EFR3A: variants seen among roughly 807,000 people sequenced by gnomAD.
EFR3A encodes the protein protein EFR3 homolog A.
EFR3A carries 76 observed loss-of-function variants against 104.4 expected under a neutral mutation model. The ratio of observed to expected loss-of-function variants is 0.73; its 90% CI spans 0.60 to 0.88. The LOEUF is 0.88. EFR3A is among the 40% of genes least tolerant of loss of function. The pLI is 0.00. For missense variants in EFR3A, 985 were observed against 1,012.5 expected (o/e 0.97, Z 0.37); for synonymous variants, 330 against 330.0 (o/e 1.00, Z 0.00).
At position 132,011,346 on chromosome 8, in the gene EFR3A, G is replaced by A. The variant is rs1822335782; in HGVS notation, c.*451G>A. 1.9e-5 allele frequency: 19 copies of A among 986,814 alleles called. No homozygotes were observed. Among genetic ancestry groups the A allele is most frequent in the Non-Finnish European group, 2.3e-5 (19 of 830,838 alleles). 61.1% of individuals were successfully genotyped at this position (986,814 alleles called of 1,614,324 possible). A position where few individuals can be genotyped will look rare whatever the true frequency, so the allele number is the denominator to read the frequency against. Reference sequence around the variant, plus strand: ...ACATTTAAATATATTCCTAGTCCTGGGACTGCAAAACTGTTCGGTGGCTTT... The same window carrying A: ...ACATTTAAATATATTCCTAGTCCTGAGACTGCAAAACTGTTCGGTGGCTTT... On this transcript the variant is annotated 3_prime_UTR_variant, in exon 23 of 23. Transcript: ENST00000254624.
At chr8:131,940,636 C>A in intron 2 of EFR3A, 61 bp downstream of exon 2, 1 of 1,543,898 alleles carries the variant, frequency 6.5e-7, no homozygotes, top group Non-Finnish European at 8.7e-7. Context: ...CCCCGCTGAC[C>A]TCCTTAAGGT....
intron 22 of EFR3A, among the ~76,000 whole-genome samples, chr8:132,007,343 A>G (rs1322102975): frequency 6.6e-6 from 1 of 151,920 alleles, no homozygotes; most frequent in Admixed American, 6.6e-5. Flanking sequence ...ATTCAGTTGT[A>G]TATCTATATA....
chr8:131,928,859 A>G (rs1259656308), intron 1 of EFR3A, among the ~76,000 whole-genome samples: 4 of 152,080 alleles, frequency 2.6e-5, no homozygotes, highest in Non-Finnish European at 5.9e-5. Context: ...TGTAAAAAGT[A>G]CAGTATTTGA....
At chr8:131,984,488 GT>G (rs1820776192) in intron 15 of EFR3A, among the ~76,000 whole-genome samples, 188 bp downstream of exon 15, 1 of 152,114 alleles carries the variant, frequency 6.6e-6, no homozygotes, top group African/African-American at 2.4e-5. Flanking sequence ...GCATCAACTG[GT>G]GTGCTAAATA....
chr8:131,940,687 T>C, intron 2 of EFR3A, 112 bp downstream of exon 2: 1 of 1,421,598 alleles, frequency 7.0e-7, no homozygotes, highest in Non-Finnish European at 9.2e-7. Context: ...TTACATCTCA[T>C]CATTTATACT....
intron 2 of EFR3A, among the ~76,000 whole-genome samples, chr8:131,941,238 G>T (rs1389542975): frequency 6.6e-6 from 1 of 151,884 alleles, no homozygotes; most frequent in African/African-American, 2.4e-5. Flanking sequence ...TATTTTATTT[G>T]TGAAGATTAC....
At chr8:131,970,272 AG>A (rs1002677241) in intron 9 of EFR3A, among the ~76,000 whole-genome samples, 10 of 152,198 alleles carry the variant, frequency 6.6e-5, no homozygotes, top group African/African-American at 2.4e-4. Context: ...ATAAATGCCC[AG>A]TAAATGTTTG....
At chr8:131,990,447 A>G (rs1256111536) in intron 18 of EFR3A, among the ~76,000 whole-genome samples, 6 of 152,188 alleles carry the variant, frequency 3.9e-5, no homozygotes, top group East Asian at 1.9e-4. Flanking sequence ...TTCATATGGT[A>G]GTAACACATG....
chr8:131,915,504 A>G (rs1816704084), intron 1 of EFR3A, among the ~76,000 whole-genome samples: 1 of 152,226 alleles, frequency 6.6e-6, no homozygotes. Context: ...AGGTGAATAA[A>G]GCAGTCCCTA....
intron 6 of EFR3A, 57 bp from the exon 7 acceptor site, chr8:131,955,711 T>G: frequency 6.5e-7 from 1 of 1,549,798 alleles, no homozygotes; most frequent in South Asian, 1.2e-5. Context: ...TATATTTTGT[T>G]TATTAGAACT....
At position 131,915,958 on chromosome 8, in the gene EFR3A, C is replaced by T. The variant is rs1056249160; in HGVS notation, c.10+11636C>T. 9.9e-5 allele frequency among the ~76,000 whole-genome samples: 15 copies of T among 152,182 alleles called. 1 individual carries two copies. Among genetic ancestry groups the T allele is most frequent in the African/African-American group, 2.4e-5 (1 of 41,432 alleles). On this transcript the variant is annotated intron_variant, in intron 1 of 22. Transcript: ENST00000254624. ...CTCATACAGGACATATGGACACCAA[C>T]AGGGGTGTCGTCCCTGCCCTCATGG...
chr8:132,001,794 G>A lies in EFR3A; in HGVS notation c.2193G>A (p.Leu731=), dbSNP rs1251728395. Residue 731 remains leucine (L), a synonymous_variant, in exon 20 of 23, where the codon TTG becomes TTA. Coordinates refer to ENST00000254624, the MANE Select transcript of EFR3A (RefSeq NM_015137.6). The part of the protein sequence containing the change: ...SNTEEITFEA[L]KKAIDTSGME... ...CTGAAGAAATCACTTTTGAAGCATTGAAGAAAGCAATTGGTGAGATATTTT... is the reference window on the plus strand; with the variant it reads ...CTGAAGAAATCACTTTTGAAGCATTAAAGAAAGCAATTGGTGAGATATTTT... 1.2e-6 allele frequency: 2 copies of A among 1,613,160 alleles called. No individual in the cohort carries two copies. The highest frequency in any genetic ancestry group is 1.7e-6 in the Non-Finnish European group (2 of 1,179,456).
chr8:132,002,853 A>G, intron 21 of EFR3A, 147 bp downstream of exon 21: 3 of 633,854 alleles, frequency 4.7e-6, no homozygotes, highest in East Asian at 2.8e-5. Context: ...CTCTGAAGGC[A>G]TATCTATGAG....
At position 131,955,886 on chromosome 8, in the gene EFR3A, G is replaced by A; in HGVS notation, c.757G>A (p.Ala253Thr). The A allele has an allele frequency of 2.5e-6, 4 of 1,613,224 alleles. No individual in the cohort carries two copies. The highest frequency in any genetic ancestry group is 3.4e-6 in the Non-Finnish European group (4 of 1,179,414). ...GRATFGNMNNAVRPVFAHLDH... is the reference protein window; with the variant it reads ...GRATFGNMNNTVRPVFAHLDH... ...AGCAACTTTTGGGAATATGAATAAT[G>A]CTGTTAGACCAGTTTTTGCGTAAGT... Residue 253 changes from alanine (A) to threonine (T), a missense_variant, in exon 7 of 23, where the codon GCT becomes ACT. Coordinates refer to ENST00000254624, the MANE Select transcript of EFR3A (RefSeq NM_015137.6).
intron 9 of EFR3A, 83 bp downstream of exon 9, chr8:131,968,513 C>G: frequency 7.7e-7 from 1 of 1,306,156 alleles, no homozygotes; most frequent in Non-Finnish European, 1.0e-6. Context: ...GTATGAAGAA[C>G]TCTTTAAGAA....
intron 10 of EFR3A, among the ~76,000 whole-genome samples, chr8:131,974,532 C>G (rs532528089): frequency 6.6e-6 from 1 of 152,036 alleles, no homozygotes; most frequent in Admixed American, 6.6e-5. Context: ...AATAAATAAC[C>G]CTTACCTCAG....
At chr8:131,911,549 A>G (rs1347571312) in intron 1 of EFR3A, among the ~76,000 whole-genome samples, 4 of 152,206 alleles carry the variant, frequency 2.6e-5, no homozygotes, top group Non-Finnish European at 4.4e-5. Context: ...CCAAGGGTAA[A>G]GTTCCCCTTT....
At chr8:131,973,236 T>C (rs1185907616) in intron 10 of EFR3A, among the ~76,000 whole-genome samples, 1 of 151,978 alleles carries the variant, frequency 6.6e-6, no homozygotes, top group Non-Finnish European at 1.5e-5. Context: ...TAGTTATTGC[T>C]TAAGACAGTT....
intron 9 of EFR3A, among the ~76,000 whole-genome samples, chr8:131,969,780 A>G (rs1490265133): frequency 6.6e-6 from 1 of 152,212 alleles, no homozygotes. Flanking sequence ...ACATTGAATC[A>G]TCACATCGAT....
Sources: allele counts gnomAD v4.1 joint callset (sites outside exome capture counted in the v4.1 genomes callset), GRCh38; gene constraint gnomAD v4.1.1; transcripts MANE v1.5; gene names NCBI Gene and HGNC (gene_info 2026-07-23, HGNC 2026-07-21).